VPS52: variants seen among roughly 807,000 people sequenced by gnomAD.
VPS52 encodes the protein vacuolar protein sorting-associated protein 52 homolog.
Under a neutral mutation model 98.7 loss-of-function variants are expected in VPS52, and 56 were observed. The observed-to-expected ratio is 0.57, with a 90% CI of 0.46 to 0.71. The LOEUF is 0.71. VPS52 is among the 30% of genes least tolerant of loss of function. The pLI is 0.00. For synonymous variants in VPS52, 348 were observed against 346.4 expected (o/e 1.00, Z -0.05); for missense variants, 742 against 925.9 (o/e 0.80, Z 2.58).
rs978251357 is a variant in VPS52 at position 33,250,804 on chromosome 6, G to GA, written c.*36dup. On this transcript the variant is annotated 3_prime_UTR_variant, in exon 20 of 20. Transcript: ENST00000445902. ...ATGGAATGGGGTGCAGAAGTCCATG[G>GA]AGATGACCGGCAGATCTCAGGGCGG... The GA allele has an allele frequency of 3.1e-6, 5 of 1,600,778 alleles. No individual in the cohort carries two copies. The highest frequency in any genetic ancestry group is 1.3e-5 in the African/African-American group (1 of 74,594).
chr6:33,254,877 T>A (rs568254858), intron 17 of VPS52: 1 of 152,206 alleles, frequency 6.6e-6, no homozygotes, highest in Non-Finnish European at 1.5e-5. Flanking sequence ...GGTTTCACCA[T>A]GTTGTCCAGG....
rs778288411 is a variant in VPS52, at chr6:33,271,625, C to G, written c.51G>C (p.Arg17=). The change falls in exon 1 of 20, where the codon CGG becomes CGC. Residue 17 remains arginine, a synonymous_variant. Coordinates refer to ENST00000445902, the MANE Select transcript of VPS52 (RefSeq NM_022553.6). ...CCTCCTCCATATCTGAGGTCCCAGC[C>G]CGCAACACCAGTTCCCGGGCCGCAG... ...MAAAARELVL[R]AGTSDMEEEE... The G allele has an allele frequency of 6.2e-7, 1 of 1,612,094 alleles. No homozygotes were observed.
chr6:33,271,707 TC>T lies in VPS52; in HGVS notation c.-33del, dbSNP rs1425352879. ...CAGCCTCACTTCCGGCAACTGTCAG[TC>T]CCGGCGAGTCCGTTCCCCGGAGTGG... On this transcript the variant is annotated 5_prime_UTR_variant, in exon 1 of 20. Transcript: ENST00000445902. 1.3e-6 allele frequency: 2 copies of T among 1,581,114 alleles called. No homozygotes were observed. The highest frequency in any genetic ancestry group is 1.1e-5 in the South Asian group (1 of 87,006).
intron 17 of VPS52, among the ~76,000 whole-genome samples, chr6:33,254,210 G>A (rs1238299605): frequency 6.6e-6 from 1 of 152,066 alleles, no homozygotes; most frequent in African/African-American, 2.4e-5. Context: ...GGAGGCAGAG[G>A]TTGTAGTGAG....
Position 33,263,482 on chromosome 6 carries a change from A to ACCTGTGT in VPS52, c.1789_1794+1dup. The ACCTGTGT allele has an allele frequency of 6.2e-7, 1 of 1,611,592 alleles. No homozygotes were observed. The highest frequency in any genetic ancestry group is 8.5e-7 in the Non-Finnish European group (1 of 1,179,552). On this transcript the variant is annotated splice_donor_variant, in intron 17 of 19. Coordinates refer to ENST00000445902, the MANE Select transcript of VPS52 (RefSeq NM_022553.6). LOFTEE classifies it high-confidence loss of function. ...TCTCTTCCCTTTTCCCCACACCCCT[A>ACCTGTGT]CCTGTGTCCGAGCATTGAGCAGCTG...
In VPS52 at chr6:33,268,357, A is replaced by G; in HGVS notation, c.699+142T>C. On this transcript the variant is annotated intron_variant, in intron 7 of 19. Transcript: ENST00000445902. The surrounding 1 kb of genome is among the most constrained non-coding windows in gnomAD (Gnocchi z 4.0). ...TCAAGATTTTCAGGGAAACCCAGAGAGACAAGAATGGGGCTGCCCAGAAAA... is the reference window on the plus strand; with the variant it reads ...TCAAGATTTTCAGGGAAACCCAGAGGGACAAGAATGGGGCTGCCCAGAAAA... The G allele has an allele frequency of 2.2e-6, 3 of 1,344,028 alleles. No individual in the cohort carries two copies. Among genetic ancestry groups the G allele is most frequent in the Non-Finnish European group, 3.1e-6 (3 of 969,478 alleles). The allele number at this position is 1,344,028 out of a possible 1,614,324, so 83.3% of individuals were successfully genotyped here.
chr6:33,262,496 T>TG, intron 17 of VPS52, among the ~76,000 whole-genome samples: 1 of 152,240 alleles, frequency 6.6e-6, no homozygotes, highest in East Asian at 1.9e-4. Context: ...AGCTACCATA[T>TG]GATTCAGCAA....
chr6:33,266,738 A>G, intron 11 of VPS52, 26 bp from the exon 12 acceptor site: 1 of 1,587,214 alleles, frequency 6.3e-7, no homozygotes, highest in African/African-American at 1.3e-5. Flanking sequence ...TAAAGAAGAA[A>G]AACAGAAGGG....
At chr6:33,265,514 G>C (rs1764200526) in intron 12 of VPS52, among the ~76,000 whole-genome samples, 1 of 152,160 alleles carries the variant, frequency 6.6e-6, no homozygotes, top group South Asian at 2.1e-4. Context: ...CCATGGGTGT[G>C]TACCACCATG....
chr6:33,269,562 T>G lies in VPS52; in HGVS notation c.305-5A>C. 6.2e-7 allele frequency: 1 copy of G among 1,606,656 alleles called. No individual in the cohort carries two copies. Among genetic ancestry groups the G allele is most frequent in the Non-Finnish European group, 8.5e-7 (1 of 1,177,354 alleles). On this transcript the variant is annotated splice_region_variant and splice_polypyrimidine_tract_variant and intron_variant, in intron 4 of 19. Transcript: ENST00000445902. ...TATTCTCACTCTCTTGAATATCTGA[T>G]CCACAAAAAGTCAAGGGGCCTCATG... is the stretch of plus-strand genomic sequence containing the variant.
intron 11 of VPS52, 132 bp from the exon 12 acceptor site, chr6:33,266,844 G>C: frequency 8.1e-7 from 1 of 1,238,540 alleles, no homozygotes; most frequent in Non-Finnish European, 1.1e-6. Context: ...ATCTAGGTCC[G>C]GGCTGTCTAA....
intron 17 of VPS52, among the ~76,000 whole-genome samples, chr6:33,261,476 A>G (rs1763628421): frequency 6.6e-6 from 1 of 152,076 alleles, no homozygotes; most frequent in South Asian, 2.1e-4. Flanking sequence ...GAAAAAAAAA[A>G]AAAGAGAGAT....
intron 1 of VPS52, 135 bp downstream of exon 1, chr6:33,271,451 G>A: frequency 7.7e-7 from 1 of 1,300,716 alleles, no homozygotes; most frequent in Non-Finnish European, 1.1e-6. Context: ...TGATCACAGG[G>A]AAGGGTACGG....
intron 17 of VPS52, among the ~76,000 whole-genome samples, chr6:33,257,078 G>T (rs6457722): frequency 6.6e-6 from 1 of 152,050 alleles, no homozygotes; most frequent in Non-Finnish European, 1.5e-5. Context: ...TGCCCAGGCT[G>T]GAGTGCAGCA....
At chr6:33,254,156 C>A (rs1762652513) in intron 17 of VPS52, among the ~76,000 whole-genome samples, 1 of 151,616 alleles carries the variant, frequency 6.6e-6, no homozygotes, top group African/African-American at 2.4e-5. Context: ...TGCCTGTAAC[C>A]CCAGCTACTC....
rs767794301 is a variant in VPS52, at chr6:33,268,603, G to A, written c.595C>T (p.Leu199=). Residue 199 remains leucine (L), a synonymous_variant, in exon 7 of 20, where the codon CTA becomes TTA. Coordinates refer to ENST00000445902, the MANE Select transcript of VPS52 (RefSeq NM_022553.6). This position sits in a 1 kb window ranked among gnomAD's most constrained non-coding sequence, Gnocchi z 4.0. The stretch of plus-strand genomic sequence containing the variant: ...GCTGCCTTGGCATCCAGCTCCTGTA[G>A]CTGCTCCAAGAACCTGGGCTCTGTC... ...PVTEPRFLEQ[L]QELDAKAAAV... 6 of 1,610,490 alleles carry A rather than the reference G, an allele frequency of 3.7e-6. No individual in the cohort carries two copies. Among genetic ancestry groups the A allele is most frequent in the Non-Finnish European group, 5.1e-6 (6 of 1,179,958 alleles).
In VPS52 at chr6:33,268,298, G is replaced by A. The variant is rs927080106; in HGVS notation, c.700-90C>T. ...GGGGAAGCAACAAATGGTAAACATA[G>A]GCAGAAGGGTGGTGAATATCTCTTT... On this transcript the variant is annotated intron_variant, in intron 7 of 19. Transcript: ENST00000445902. This position sits in a 1 kb window ranked among gnomAD's most constrained non-coding sequence, Gnocchi z 4.0. The A allele has an allele frequency of 3.5e-6, 5 of 1,413,142 alleles. No individual in the cohort carries two copies. Among genetic ancestry groups the A allele is most frequent in the Non-Finnish European group, 5.0e-6 (5 of 1,006,482 alleles). The allele number at this position is 1,413,142 out of a possible 1,614,324, so 87.5% of individuals were successfully genotyped here.
At position 33,267,497 on chromosome 6, in the gene VPS52, T is replaced by C; in HGVS notation, c.992-176A>G. 8.3e-7 allele frequency: 1 copy of C among 1,211,370 alleles called. No homozygotes were observed. Among genetic ancestry groups the C allele is most frequent in the Non-Finnish European group, 1.2e-6 (1 of 862,548 alleles). 75.0% of individuals were successfully genotyped at this position (1,211,370 alleles called of 1,614,324 possible). On this transcript the variant is annotated intron_variant, in intron 10 of 19. Coordinates refer to ENST00000445902, the MANE Select transcript of VPS52 (RefSeq NM_022553.6). This position sits in a 1 kb window ranked among gnomAD's most constrained non-coding sequence, Gnocchi z 4.2. ...CAGGGTGTCTCTCCCTCCCTTGCAA[T>C]CATATGCAAAACTATGTGTCAAAAT...
chr6:33,271,418 A>G (rs1242486022), intron 1 of VPS52, 168 bp downstream of exon 1: 1 of 979,900 alleles, frequency 1.0e-6, no homozygotes, highest in African/African-American at 1.6e-5. Context: ...TTCAGCCACT[A>G]GGGTCCCGCT....
Sources: allele counts gnomAD v4.1 joint callset (sites outside exome capture counted in the v4.1 genomes callset), GRCh38; gene constraint gnomAD v4.1.1; non-coding constraint Gnocchi (gnomAD v3.1); transcripts MANE v1.5; gene names NCBI Gene and HGNC (gene_info 2026-07-23, HGNC 2026-07-21).